KIF16B: variants seen among roughly 807,000 people sequenced by gnomAD.
KIF16B encodes the protein kinesin family member 16B.
KIF16B carries 98 observed loss-of-function variants against 156.3 expected under a neutral mutation model. The observed-to-expected ratio is 0.63, with a 90% confidence interval of 0.53 to 0.74. The LOEUF (loss-of-function observed/expected upper bound fraction) is 0.74. Among genes scored for constraint, KIF16B ranks in the 30% least tolerant of loss-of-function variants. The probability of loss-of-function intolerance (pLI) is 0.00; values close to 1 mark genes in which losing one functional copy is unlikely to be tolerated. For synonymous variants in KIF16B, 564 were observed against 583.7 expected, an observed-to-expected ratio of 0.97 and a Z score of 0.49; for missense variants, 1,421 against 1,606.5, an observed-to-expected ratio of 0.88 and a Z score of 1.97.
At chr20:16,441,260 G>A (rs1035417494) in intron 12 of KIF16B, among the ~76,000 whole-genome samples, 17 of 152,134 alleles carry the variant, frequency 1.1e-4, no homozygotes, top group African/African-American at 3.4e-4. Flanking sequence ...AAGCTGGCCC[G>A]TTCTTGTTTC....
intron 23 of KIF16B, among the ~76,000 whole-genome samples, chr20:16,344,174 T>G (rs2064189267): frequency 6.6e-6 from 1 of 152,188 alleles, no homozygotes; most frequent in Admixed American, 6.5e-5. Context: ...ATATTCCAAA[T>G]GTATGAATCT....
At chr20:16,394,787 T>C (rs141760880) in intron 17 of KIF16B, among the ~76,000 whole-genome samples, 1 of 151,882 alleles carries the variant, frequency 6.6e-6, no homozygotes, top group Non-Finnish European at 1.5e-5. Context: ...AAGAGAAAAG[T>C]GTGCTTGCAA....
At chr20:16,420,723 T>C (rs2066204861) in intron 15 of KIF16B, among the ~76,000 whole-genome samples, 1 of 152,104 alleles carries the variant, frequency 6.6e-6, no homozygotes, top group Non-Finnish European at 1.5e-5. Flanking sequence ...TGTTTGTTTT[T>C]TGATCTAATC....
At chr20:16,312,476 A>G in intron 24 of KIF16B, 58 bp from the exon 25 acceptor site, 1 of 1,224,174 alleles carries the variant, frequency 8.2e-7, no homozygotes, top group Non-Finnish European at 1.2e-6. Flanking sequence ...TTGTTGGGCT[A>G]TTATTAATCT....
intron 5 of KIF16B, among the ~76,000 whole-genome samples, chr20:16,512,240 G>A (rs758478828): frequency 6.6e-6 from 1 of 152,106 alleles, no homozygotes; most frequent in Non-Finnish European, 1.5e-5. Context: ...ACAATACCCA[G>A]AGATAGGTAC....
chr20:16,558,897 C>CAAAAAAAAAAAA (rs11478258), intron 1 of KIF16B, among the ~76,000 whole-genome samples: 2 of 62,080 alleles, frequency 3.2e-5, no homozygotes, highest in South Asian at 7.3e-4. Context: ...GAGCAAGACT[C>CAAAAAAAAAAAA]AAAAAAAAAA....
intron 3 of KIF16B, among the ~76,000 whole-genome samples, chr20:16,521,814 G>A (rs1032874330): frequency 6.6e-6 from 1 of 152,194 alleles, no homozygotes; most frequent in Non-Finnish European, 1.5e-5. Context: ...CAGACTAACA[G>A]TGAATCTCTC....
At chr20:16,438,422 TCTTA>T (rs2066706529) in intron 12 of KIF16B, among the ~76,000 whole-genome samples, 1 of 152,200 alleles carries the variant, frequency 6.6e-6, no homozygotes, top group African/African-American at 2.4e-5. Context: ...ATTGTTCATC[TCTTA>T]CTGTGTCTAA....
At chr20:16,406,580 C>A in intron 15 of KIF16B, 124 bp from the exon 16 acceptor site, 4 of 872,984 alleles carry the variant, frequency 4.6e-6, no homozygotes, top group Non-Finnish European at 7.2e-6. Flanking sequence ...TAAGGGAAAG[C>A]TTTAGTCTCA....
intron 22 of KIF16B, among the ~76,000 whole-genome samples, chr20:16,363,033 GT>G (rs2064580480): frequency 6.6e-6 from 1 of 152,200 alleles, no homozygotes; most frequent in African/African-American, 2.4e-5. Flanking sequence ...GATGGTGATG[GT>G]TTGAAAAATG....
intron 15 of KIF16B, among the ~76,000 whole-genome samples, chr20:16,408,147 G>A (rs2065833467): frequency 6.6e-6 from 1 of 152,094 alleles, no homozygotes; most frequent in African/African-American, 2.4e-5. Flanking sequence ...CAACTCAAGG[G>A]AGTTTCAAAT....
intron 3 of KIF16B, 27 bp downstream of exon 3, chr20:16,526,065 C>A: frequency 1.6e-6 from 2 of 1,268,516 alleles, no homozygotes; most frequent in Non-Finnish European, 1.1e-6. Flanking sequence ...AATAAATCAA[C>A]ATAAATATTT....
At chr20:16,292,727 CAAG>C (rs149838445) in intron 25 of KIF16B, among the ~76,000 whole-genome samples, 16,234 of 152,128 alleles carry the variant, frequency 0.11, 918 homozygotes, top group African/African-American at 0.13. Flanking sequence ...CATGGATGTG[CAAG>C]AAGAATTTTA....
intron 22 of KIF16B, chr20:16,367,706 C>G (rs1256471611): frequency 6.2e-7 from 1 of 1,612,280 alleles, no homozygotes; most frequent in African/African-American, 1.3e-5. Flanking sequence ...AAAACTAAAT[C>G]AGGGATTTCT....
chr20:16,414,120 C>A (rs1436080809), intron 15 of KIF16B, among the ~76,000 whole-genome samples: 1 of 152,006 alleles, frequency 6.6e-6, no homozygotes, highest in Non-Finnish European at 1.5e-5. Context: ...GGGCCTTAGA[C>A]TTGGTGACAC....
intron 15 of KIF16B, among the ~76,000 whole-genome samples, chr20:16,421,741 T>C (rs1037792550): frequency 1.3e-5 from 2 of 152,138 alleles, no homozygotes; most frequent in Non-Finnish European, 2.9e-5. Flanking sequence ...TAATGACATT[T>C]ACATTCACTG....
chr20:16,564,683 GAA>G (rs111733202), intron 1 of KIF16B, among the ~76,000 whole-genome samples: 1 of 150,504 alleles, frequency 6.6e-6, no homozygotes, highest in African/African-American at 2.4e-5. Flanking sequence ...AAAACTGAAA[GAA>G]AAAAAAGATT....
At chr20:16,300,703 T>C (rs2063459378) in intron 25 of KIF16B, among the ~76,000 whole-genome samples, 1 of 152,190 alleles carries the variant, frequency 6.6e-6, no homozygotes, top group South Asian at 2.1e-4. Flanking sequence ...TTAGAGGTTG[T>C]TAGAAAAACT....
intron 22 of KIF16B, among the ~76,000 whole-genome samples, chr20:16,364,426 T>A (rs2064615536): frequency 6.6e-6 from 1 of 152,226 alleles, no homozygotes; most frequent in South Asian, 2.1e-4. Flanking sequence ...TTTTTTCTGA[T>A]TCAGAAACTC....
Sources: gnomAD v4.1 joint callset for allele counts (sites outside exome capture counted in the v4.1 genomes callset) on GRCh38, gnomAD v4.1.1 for gene constraint, MANE v1.5 for transcripts, NCBI Gene and HGNC (gene_info 2026-07-23, HGNC 2026-07-21) for gene names.